Variants in UTS2 observed in about 807,000 individuals in gnomAD.
UTS2 encodes urotensin 2, also known as urotensin-2.
Under a neutral mutation model 12.6 loss-of-function variants are expected in UTS2, and 10 were observed. The observed-to-expected ratio is 0.80, with a 90% CI of 0.49 to 1.35. The LOEUF (loss-of-function observed/expected upper bound fraction) is 1.35. UTS2 is among the 40% of genes most tolerant of loss of function. The probability of loss-of-function intolerance (pLI) is 0.00; values close to 1 mark genes in which losing one functional copy is unlikely to be tolerated. For missense variants in UTS2, 142 were observed against 143.2 expected (o/e 0.99, Z 0.04); for synonymous variants, 52 against 50.0 (o/e 1.04, Z -0.17).
chr1:7,854,851 TAAC>T (rs1283486139), upstream of UTS2, among the ~76,000 whole-genome samples: 6 of 150,732 alleles, frequency 4.0e-5, no homozygotes, highest in Non-Finnish European at 7.4e-5. Context: ...ATCAAACTAA[TAAC>T]AATAATAATA....
the UTS2 span, among the ~76,000 whole-genome samples, chr1:7,906,507 G>GAAAGA: frequency 9.1e-5 from 12 of 131,264 alleles, no homozygotes; most frequent in African/African-American, 3.1e-4. Flanking sequence ...AAGAAAGAAA[G>GAAAGA]AAAAGAGGGA....
At chr1:7,862,214 C>T in the UTS2 span, among the ~76,000 whole-genome samples, 2 of 151,788 alleles carry the variant, frequency 1.3e-5, no homozygotes, top group East Asian at 2.0e-4. Context: ...TGTGAGCCAC[C>T]GCGCCCTGCC....
chr1:7,863,087 TGTATTGTATTG>T, the UTS2 span, among the ~76,000 whole-genome samples: 1 of 108,608 alleles, frequency 9.2e-6, no homozygotes, highest in Non-Finnish European at 1.9e-5. Context: ...TGTATTGTAT[TGTATTGTATTG>T]TATTGTATTG....
At chr1:7,863,062 T>TTGAGAC in the UTS2 span, among the ~76,000 whole-genome samples, 1 of 82,882 alleles carries the variant, frequency 1.2e-5, no homozygotes, top group Non-Finnish European at 2.7e-5. Flanking sequence ...TGTATTGTAT[T>TTGAGAC]GTATTGTATT....
chr1:7,868,264 CTG>C, the UTS2 span, among the ~76,000 whole-genome samples: 1 of 152,196 alleles, frequency 6.6e-6, no homozygotes, highest in Admixed American at 6.5e-5. Flanking sequence ...AATGCCGCTA[CTG>C]ATTTATTGCA....
chr1:7,856,089 C>G (rs1258921678), upstream of UTS2, among the ~76,000 whole-genome samples: 2 of 152,026 alleles, frequency 1.3e-5, no homozygotes, highest in Non-Finnish European at 2.9e-5. Flanking sequence ...CCTCGGCCCC[C>G]GGAAGTGCTG....
the UTS2 span, among the ~76,000 whole-genome samples, chr1:7,873,313 G>A: frequency 1.3e-5 from 2 of 152,192 alleles, no homozygotes; most frequent in Non-Finnish European, 2.9e-5. Flanking sequence ...CTTATTATAT[G>A]AGAAATGTAT....
the UTS2 span, among the ~76,000 whole-genome samples, chr1:7,912,997 T>C: frequency 5.3e-5 from 8 of 151,274 alleles, no homozygotes; most frequent in Admixed American, 2.6e-4. Context: ...TTTTCTTTTT[T>C]TTTTTTTTTG....
the UTS2 span, among the ~76,000 whole-genome samples, chr1:7,864,001 G>C: frequency 6.6e-6 from 1 of 152,346 alleles, no homozygotes; most frequent in African/African-American, 2.4e-5. Flanking sequence ...AGGCATCTCA[G>C]GGCAGCAGGA....
chr1:7,902,851 G>C, the UTS2 span, among the ~76,000 whole-genome samples: 1 of 152,152 alleles, frequency 6.6e-6, no homozygotes, highest in African/African-American at 2.4e-5. Flanking sequence ...TGAAGAAGAG[G>C]CCTAAATTAG....
the UTS2 span, among the ~76,000 whole-genome samples, chr1:7,869,237 G>A: frequency 6.6e-6 from 1 of 152,184 alleles, no homozygotes. Flanking sequence ...CAGGACTGTT[G>A]GTTCCTTTCA....
chr1:7,894,340 G>T, the UTS2 span, among the ~76,000 whole-genome samples: 1 of 151,824 alleles, frequency 6.6e-6, no homozygotes, highest in Non-Finnish European at 1.5e-5. Context: ...CATCCAGCTA[G>T]TTTTTGTATT....
chr1:7,858,371 T>A (rs1375394029), upstream of UTS2, among the ~76,000 whole-genome samples: 1 of 152,138 alleles, frequency 6.6e-6, no homozygotes, highest in Non-Finnish European at 1.5e-5. Flanking sequence ...ACAAAGTAAC[T>A]TCTGAAAAGA....
At chr1:7,899,997 T>C in the UTS2 span, among the ~76,000 whole-genome samples, 1 of 152,176 alleles carries the variant, frequency 6.6e-6, no homozygotes, top group Non-Finnish European at 1.5e-5. Flanking sequence ...AGCGAGAGTG[T>C]ACCCAACCCG....
the UTS2 span, among the ~76,000 whole-genome samples, chr1:7,909,444 T>C: frequency 0.011 from 1,614 of 149,338 alleles, 30 homozygotes; most frequent in African/African-American, 0.038. Context: ...CTCAGGAGGC[T>C]GAGAGAGGAG....
At chr1:7,897,991 T>A in the UTS2 span, among the ~76,000 whole-genome samples, 1 of 152,194 alleles carries the variant, frequency 6.6e-6, no homozygotes, top group Non-Finnish European at 1.5e-5. Context: ...AGGTTACAAG[T>A]CAACTGATTA....
chr1:7,884,300 T>TG, the UTS2 span, among the ~76,000 whole-genome samples: 1 of 117,636 alleles, frequency 8.5e-6, no homozygotes, highest in African/African-American at 3.9e-5. Context: ...AAATAACATC[T>TG]GATTTTTTTT....
At chr1:7,907,345 G>A in the UTS2 span, among the ~76,000 whole-genome samples, 2,899 of 150,786 alleles carry the variant, frequency 0.019, 96 homozygotes, top group African/African-American at 0.066. Context: ...ACTGTCCTTA[G>A]GTGTCAAGAA....
chr1:7,878,585 A>AAT, the UTS2 span, among the ~76,000 whole-genome samples: 1 of 152,176 alleles, frequency 6.6e-6, no homozygotes, highest in Non-Finnish European at 1.5e-5. Flanking sequence ...GCCTACCTAA[A>AAT]ATGTATAGAG....
Sources: gnomAD v4.1 joint callset for allele counts (sites outside exome capture counted in the v4.1 genomes callset) on GRCh38, gnomAD v4.1.1 for gene constraint, MANE v1.5 for transcripts, NCBI Gene and HGNC (gene_info 2026-07-23, HGNC 2026-07-21) for gene names.